Variants in PCDHA11 observed in about 807,000 individuals in gnomAD.
PCDHA11 encodes protocadherin alpha-11.
PCDHA11 carries 61 observed loss-of-function variants against 70.3 expected under a neutral mutation model. The ratio of observed to expected loss-of-function variants is 0.87; its 90% confidence interval spans 0.71 to 1.07. PCDHA11 has a LOEUF of 1.07. Among genes scored for constraint, PCDHA11 ranks in the 50% least tolerant of loss-of-function variants. PCDHA11 has a pLI of 0.00. For missense variants in PCDHA11, 1,324 were observed against 1,237.5 expected, an observed-to-expected ratio of 1.07 and a Z score of -1.05; for synonymous variants, 633 against 555.1, an observed-to-expected ratio of 1.14 and a Z score of -1.97.
intron 1 of PCDHA11, among the ~76,000 whole-genome samples, chr5:140,907,337 A>G (rs2073315694): frequency 6.6e-6 from 1 of 152,210 alleles, no homozygotes; most frequent in Non-Finnish European, 1.5e-5. Flanking sequence ...TTCCATATGC[A>G]TGAGCCCGCT....
intron 3 of PCDHA11, among the ~76,000 whole-genome samples, chr5:141,003,440 T>G (rs1194575812): frequency 6.6e-6 from 1 of 152,100 alleles, no homozygotes; most frequent in Non-Finnish European, 1.5e-5. Flanking sequence ...GCCTCCCAAG[T>G]AGATGAAATT....
chr5:140,915,504 T>C (rs1554196920), intron 1 of PCDHA11, among the ~76,000 whole-genome samples: 1 of 152,136 alleles, frequency 6.6e-6, no homozygotes, highest in Non-Finnish European at 1.5e-5. Context: ...AATACTGTGG[T>C]TTTTGCAGAC....
rs781874469 is a variant in PCDHA11 at position 140,967,699 on chromosome 5, T to A, written c.2392-11250T>A. On this transcript the variant is annotated intron_variant, in intron 1 of 3. Coordinates refer to ENST00000398640, the MANE Select transcript of PCDHA11 (RefSeq NM_018902.5). ...GGGAGAGGCAGCTCTTCAGCATAGA[T>A]GCCAGTACCGGGGAAGTGCGAGTAA... The A allele has an allele frequency of 1.2e-6, 2 of 1,614,154 alleles. No individual in the cohort carries two copies. Among genetic ancestry groups the A allele is most frequent in the Non-Finnish European group, 1.7e-6 (2 of 1,180,034 alleles).
chr5:140,911,378 C>T lies in PCDHA11; in HGVS notation c.2391+39884C>T, dbSNP rs184939316. On this transcript the variant is annotated intron_variant, in intron 1 of 3. Transcript: ENST00000398640. ...ACAGTAGACACCTGGCAAGGCTGTG[C>T]ATGCACCTTTCATTGCAGGTCAGCC... Among the ~76,000 whole-genome samples the T allele has an allele frequency of 8.0e-3, 1,215 of 152,282 alleles. 6 individuals carry two copies. The highest frequency in any genetic ancestry group is 0.019 in the African/African-American group (783 of 41,542).
intron 1 of PCDHA11, among the ~76,000 whole-genome samples, chr5:140,941,542 C>T (rs782270560): frequency 4.0e-5 from 6 of 151,842 alleles, no homozygotes; most frequent in Non-Finnish European, 7.4e-5. Context: ...GTCTTGAACT[C>T]CTGACCTCGT....
intron 1 of PCDHA11, among the ~76,000 whole-genome samples, chr5:140,889,657 C>T (rs1411654885): frequency 2.0e-5 from 3 of 152,128 alleles, no homozygotes; most frequent in African/African-American, 7.2e-5. Context: ...GAGATGTCCT[C>T]TTCCCAGCCT....
chr5:140,938,899 A>C (rs1175857132), intron 1 of PCDHA11, among the ~76,000 whole-genome samples: 1 of 151,886 alleles, frequency 6.6e-6, no homozygotes, highest in Non-Finnish European at 1.5e-5. Flanking sequence ...ACAGATGCGC[A>C]CACACACACA....
At chr5:140,993,509 C>T (rs930990761) in intron 3 of PCDHA11, among the ~76,000 whole-genome samples, 23 of 143,490 alleles carry the variant, frequency 1.6e-4, no homozygotes, top group Admixed American at 3.5e-4. Context: ...CACACACACA[C>T]GGGGAGAGAG....
chr5:140,966,765 C>G (rs2096051420), intron 1 of PCDHA11: 7 of 1,482,914 alleles, frequency 4.7e-6, no homozygotes, highest in Non-Finnish European at 6.3e-6. Context: ...CGGCCAGTGG[C>G]TATGGAGCAG....
At chr5:140,951,597 C>T (rs1445745403) in intron 1 of PCDHA11, among the ~76,000 whole-genome samples, 1 of 152,098 alleles carries the variant, frequency 6.6e-6, no homozygotes, top group East Asian at 1.9e-4. Flanking sequence ...ATCTCTCTCA[C>T]TGTTATGAGA....
At chr5:140,891,708 C>T (rs1422243783) in intron 1 of PCDHA11, among the ~76,000 whole-genome samples, 1 of 152,066 alleles carries the variant, frequency 6.6e-6, no homozygotes, top group Admixed American at 6.6e-5. Context: ...TGAATTTGTA[C>T]CCCCAAATTC....
At chr5:140,921,379 T>C (rs1186418255) in intron 1 of PCDHA11, among the ~76,000 whole-genome samples, 1 of 152,180 alleles carries the variant, frequency 6.6e-6, no homozygotes, top group Non-Finnish European at 1.5e-5. Context: ...TTTCTACATA[T>C]TTGATAAACA....
chr5:140,878,079 T>C (rs1453461494), intron 1 of PCDHA11: 1 of 346,026 alleles, frequency 2.9e-6, no homozygotes, highest in Non-Finnish European at 4.9e-6. Context: ...TTTTCTATAA[T>C]ATTTTATATG....
chr5:140,987,747 T>G (rs1336636332), intron 3 of PCDHA11, among the ~76,000 whole-genome samples: 1 of 152,178 alleles, frequency 6.6e-6, no homozygotes. Context: ...TAGACCCAGG[T>G]TGTTCTGAGT....
Position 140,883,457 on chromosome 5 carries a change from C to T in PCDHA11, c.2391+11963C>T, listed in dbSNP as rs142331981. Reference sequence around the variant, plus strand: ...CTTGACGCCGCATGTCCCCTTCAAGCTGGTGTCCACCTACAAGAACTACTA... The same window carrying T: ...CTTGACGCCGCATGTCCCCTTCAAGTTGGTGTCCACCTACAAGAACTACTA... On this transcript the variant is annotated intron_variant, in intron 1 of 3. Coordinates refer to ENST00000398640, the MANE Select transcript of PCDHA11 (RefSeq NM_018902.5). 3.6e-4 allele frequency: 576 copies of T among 1,614,196 alleles called. 4 individuals are homozygous for T. In the African/African-American group the frequency reaches 6.4e-3, roughly 18 times the overall value.
intron 1 of PCDHA11, among the ~76,000 whole-genome samples, chr5:140,955,553 C>A (rs782183120): frequency 2.6e-5 from 4 of 152,088 alleles, no homozygotes; most frequent in Non-Finnish European, 5.9e-5. Flanking sequence ...TGAGGCCTCC[C>A]CAGCCATACT....
chr5:140,900,000 A>G (rs1374747791), intron 1 of PCDHA11, among the ~76,000 whole-genome samples: 1 of 151,872 alleles, frequency 6.6e-6, no homozygotes, highest in Non-Finnish European at 1.5e-5. Flanking sequence ...TGTAGAGATG[A>G]GGTCTCACTT....
At position 140,941,204 on chromosome 5, in the gene PCDHA11, TTTCTTTCTTC is replaced by T. The variant is rs1554213952; in HGVS notation, c.2392-37744_2392-37735del. Among the ~76,000 whole-genome samples, 512 of 88,682 alleles carry T rather than the reference TTTCTTTCTTC, an allele frequency of 5.8e-3. 4 individuals are homozygous for T. Among genetic ancestry groups the T allele is most frequent in the African/African-American group, 0.011 (178 of 16,048 alleles). The allele number at this position is 88,682 out of a possible 152,430, so 58.2% of individuals were successfully genotyped here. ...CTGCTTCTTTTTTTTTCTTTCTTCC[TTTCTTTCTTC>T]CTTTCTTTCTTTCTTTCTTTCTTTC... On this transcript the variant is annotated intron_variant, in intron 1 of 3. Coordinates refer to ENST00000398640, the MANE Select transcript of PCDHA11 (RefSeq NM_018902.5).
At chr5:141,006,372 C>T (rs781874533) in intron 3 of PCDHA11, among the ~76,000 whole-genome samples, 10 of 151,926 alleles carry the variant, frequency 6.6e-5, no homozygotes, top group Non-Finnish European at 1.0e-4. Context: ...CCACCACGCC[C>T]GGCTAAGTTT....
Sources: gnomAD v4.1 joint callset for allele counts (sites outside exome capture counted in the v4.1 genomes callset) on GRCh38, gnomAD v4.1.1 for gene constraint, MANE v1.5 for transcripts, NCBI Gene and HGNC (gene_info 2026-07-23, HGNC 2026-07-21) for gene names.